Variants in PSMG2 observed in about 807,000 individuals in gnomAD.
The protein encoded by PSMG2 is CD40 ligand-activated specific transcript 3.
Under a neutral mutation model 31.5 loss-of-function variants are expected in PSMG2, and 21 were observed. The observed-to-expected ratio is 0.67, with a 90% CI of 0.47 to 0.96. The LOEUF is 0.96. Ranked by LOEUF, PSMG2 falls within the 40% of genes least tolerant of loss-of-function variation. PSMG2 has a pLI of 0.00. For missense variants in PSMG2, 318 were observed against 321.2 expected (o/e 0.99, Z 0.08); for synonymous variants, 120 against 110.4 (o/e 1.09, Z -0.54).
rs1294719698 is a variant in PSMG2 at position 12,678,451 on chromosome 18, AT to A, written c.-37+19680del. 2.6e-6 allele frequency: 4 copies of A among 1,546,356 alleles called. No individual in the cohort carries two copies. The South Asian group carries it at 4.9e-5, about 19-fold the overall frequency. The stretch of plus-strand genomic sequence containing the variant: ...TAGGTTTATGGATGTACCTAAAAAA[AT>A]TAAATAATTTTATATATGAGAACTT... On this transcript the variant is annotated intron_variant, in intron 1 of 6. Transcript: ENST00000585331.
chr18:12,724,769 G>C, intron 6 of PSMG2, 150 bp downstream of exon 6: 2 of 882,142 alleles, frequency 2.3e-6, no homozygotes, highest in Non-Finnish European at 3.0e-6. Flanking sequence ...CTGAACTTTT[G>C]AAAATTAGAG....
In PSMG2 at chr18:12,691,417, C is replaced by G. The variant is rs767228896; in HGVS notation, c.-36-15133C>G. The G allele has an allele frequency of 4.4e-6, 7 of 1,608,980 alleles. No individual in the cohort carries two copies. The Admixed American group carries it at 1.2e-4, about 27-fold the overall frequency. Reference sequence around the variant, plus strand: ...TGAGGGTCGAATTTGCAAATATTCTCTCCACCACTGCTTAGCATATACAAG... The same window carrying G: ...TGAGGGTCGAATTTGCAAATATTCTGTCCACCACTGCTTAGCATATACAAG... On this transcript the variant is annotated intron_variant, in intron 1 of 6. Transcript: ENST00000585331.
chr18:12,673,134 A>G (rs1231938803), intron 1 of PSMG2: 1 of 1,123,226 alleles, frequency 8.9e-7, no homozygotes, highest in Admixed American at 4.4e-5. Context: ...AATAGAATAT[A>G]CACTTAATTT....
intron 1 of PSMG2, among the ~76,000 whole-genome samples, chr18:12,667,760 CAA>C (rs67167827): frequency 3.2e-4 from 29 of 89,914 alleles, no homozygotes; most frequent in South Asian, 4.0e-4. Flanking sequence ...GACTCTTTCT[CAA>C]AAAAAAAAAA....
At chr18:12,697,707 C>T (rs1320659871) in intron 1 of PSMG2, among the ~76,000 whole-genome samples, 1 of 152,132 alleles carries the variant, frequency 6.6e-6, no homozygotes, top group African/African-American at 2.4e-5. Context: ...GTATATGCTA[C>T]TACAATAAAA....
chr18:12,675,588 TGAA>T (rs1225126014), intron 1 of PSMG2, among the ~76,000 whole-genome samples: 3 of 152,170 alleles, frequency 2.0e-5, no homozygotes, highest in Admixed American at 1.3e-4. Context: ...GATAAAAAGA[TGAA>T]GACATTTTAT....
intron 1 of PSMG2, among the ~76,000 whole-genome samples, chr18:12,667,415 C>G (rs2038824615): frequency 1.3e-5 from 2 of 151,884 alleles, no homozygotes; most frequent in Admixed American, 6.6e-5. Flanking sequence ...TATGATCACA[C>G]CACTGCACTC....
intron 1 of PSMG2, among the ~76,000 whole-genome samples, chr18:12,677,269 A>G (rs1039495733): frequency 6.6e-6 from 1 of 151,918 alleles, no homozygotes; most frequent in Non-Finnish European, 1.5e-5. Flanking sequence ...GTGAAACCCT[A>G]TCTCTACAAA....
rs1451267412 is a variant in PSMG2, at chr18:12,680,794, C to G, written c.-37+22021C>G. 1.2e-6 allele frequency: 2 copies of G among 1,613,176 alleles called. No homozygotes were observed. The highest frequency in any genetic ancestry group is 1.7e-6 in the Non-Finnish European group (2 of 1,179,748). ...TTCTAATCCATATCCAAGAAGAAGGCTGCACAGAAGGTTAGCGTGATCTTC... is the reference window on the plus strand; with the variant it reads ...TTCTAATCCATATCCAAGAAGAAGGGTGCACAGAAGGTTAGCGTGATCTTC... On this transcript the variant is annotated intron_variant, in intron 1 of 6. Coordinates refer to the PSMG2 transcript ENST00000585331.
At chr18:12,677,618 CA>C (rs1568012623) in intron 1 of PSMG2, among the ~76,000 whole-genome samples, 1 of 152,000 alleles carries the variant, frequency 6.6e-6, no homozygotes, top group Non-Finnish European at 1.5e-5. Context: ...ACCCAGTATA[CA>C]TATTTTTTCT....
intron 2 of PSMG2, among the ~76,000 whole-genome samples, chr18:12,708,317 G>A (rs1296168110): frequency 1.3e-5 from 2 of 151,666 alleles, no homozygotes; most frequent in African/African-American, 4.8e-5. Flanking sequence ...TTCCACTAGT[G>A]ATAACAGCTA....
chr18:12,694,725 T>C (rs1223021659), intron 1 of PSMG2, among the ~76,000 whole-genome samples: 1 of 149,436 alleles, frequency 6.7e-6, no homozygotes, highest in Non-Finnish European at 1.5e-5. Context: ...TTTTTTTCTT[T>C]TTTTGAGATG....
intron 1 of PSMG2, 119 bp from the exon 2 acceptor site, chr18:12,706,431 G>A: frequency 2.9e-6 from 3 of 1,031,178 alleles, no homozygotes; most frequent in Non-Finnish European, 4.3e-6. Context: ...AGGCTGCAGT[G>A]AGCCAAGATC....
chr18:12,703,771 G>A (rs1035801378), intron 1 of PSMG2, among the ~76,000 whole-genome samples: 2 of 152,192 alleles, frequency 1.3e-5, no homozygotes, highest in African/African-American at 4.8e-5. Context: ...ATTGGGAGGG[G>A]AGGGACAGAT....
intron 1 of PSMG2, among the ~76,000 whole-genome samples, chr18:12,668,126 A>G (rs1430052602): frequency 1.3e-5 from 2 of 151,642 alleles, no homozygotes; most frequent in African/African-American, 2.4e-5. Flanking sequence ...TTAGCCAGAC[A>G]TGTTGGTGCA....
At chr18:12,673,202 C>A (rs913006600) in intron 1 of PSMG2, 39 of 1,322,470 alleles carry the variant, frequency 2.9e-5, no homozygotes, top group Non-Finnish European at 3.4e-5. Context: ...TAAAGGAATG[C>A]ATGATTTTTT....
intron 1 of PSMG2, chr18:12,665,233 C>CT (rs1259456781): frequency 6.6e-6 from 1 of 152,066 alleles, no homozygotes; most frequent in Admixed American, 6.6e-5. Flanking sequence ...AAAAGCTGGT[C>CT]TTTTAAGTTT....
At chr18:12,669,182 A>G (rs2038877746) in intron 1 of PSMG2, among the ~76,000 whole-genome samples, 1 of 150,584 alleles carries the variant, frequency 6.6e-6, no homozygotes. Flanking sequence ...GTGTGATCTC[A>G]GCTCACGGCA....
intron 1 of PSMG2, among the ~76,000 whole-genome samples, chr18:12,705,811 G>C (rs2040263114): frequency 6.6e-6 from 1 of 152,048 alleles, no homozygotes; most frequent in Non-Finnish European, 1.5e-5. Flanking sequence ...CCTAGGGTGA[G>C]TCTTTCCTCG....
Sources: gnomAD v4.1 joint callset for allele counts (sites outside exome capture counted in the v4.1 genomes callset) on GRCh38, gnomAD v4.1.1 for gene constraint, MANE v1.5 for transcripts, NCBI Gene and HGNC (gene_info 2026-07-23, HGNC 2026-07-21) for gene names.